The following PEX14 variants were observed in gnomAD, a reference collection of about 807,000 sequenced individuals.
The protein encoded by PEX14 is peroxisomal membrane protein PEX14.
A neutral mutation model predicts 49.5 loss-of-function variants in PEX14; 15 were observed. That is an observed-to-expected ratio of 0.30 (90% confidence interval 0.20 to 0.47). The LOEUF (loss-of-function observed/expected upper bound fraction) is 0.47. Among genes scored for constraint, PEX14 ranks in the 20% least tolerant of loss-of-function variants. PEX14 has a pLI of 1.00. For missense variants in PEX14, 398 were observed against 494.8 expected (o/e 0.80, Z 1.86); for synonymous variants, 210 against 212.7 (o/e 0.99, Z 0.11).
At position 10,538,668 on chromosome 1, in the gene PEX14, G is replaced by A. The variant is rs531432243; in HGVS notation, c.169+2371G>A. ...CGGGCTGTTCCAGGGTCAGGTTTCC[G>A]TGCTCAGCACGGCCTGGCACCGTCT... On this transcript the variant is annotated intron_variant, in intron 3 of 8. Coordinates refer to ENST00000356607, the MANE Select transcript of PEX14 (RefSeq NM_004565.3). Among the ~76,000 whole-genome samples the A allele has an allele frequency of 1.1e-3, 171 of 152,302 alleles. 2 individuals are homozygous for A. The highest frequency in any genetic ancestry group is 3.8e-3 in the African/African-American group (157 of 41,572).
chr1:10,604,301 G>A (rs147923615), intron 4 of PEX14, among the ~76,000 whole-genome samples: 3 of 152,176 alleles, frequency 2.0e-5, no homozygotes, highest in Admixed American at 1.3e-4. Context: ...TAACACAAAA[G>A]CATATAGATG....
At chr1:10,565,840 C>T (rs1553190992) in intron 3 of PEX14, among the ~76,000 whole-genome samples, 4 of 151,678 alleles carry the variant, frequency 2.6e-5, no homozygotes, top group Non-Finnish European at 5.9e-5. Context: ...CTCATTGCTA[C>T]AAAAAAACAC....
chr1:10,597,142 A>G lies in PEX14; in HGVS notation c.170-2096A>G, dbSNP rs532498568. ...ACATTATTGTACTTGTTTATATTTG[A>G]AAGAGCCAAAAGGGAAAATGAGAAT... On this transcript the variant is annotated intron_variant, in intron 3 of 8. Coordinates refer to ENST00000356607, the MANE Select transcript of PEX14 (RefSeq NM_004565.3). The surrounding 1 kb of genome is among the most constrained non-coding windows in gnomAD (Gnocchi z 5.7). 3.9e-5 allele frequency among the ~76,000 whole-genome samples: 6 copies of G among 152,378 alleles called. No individual in the cohort carries two copies. The East Asian group carries it at 1.2e-3, about 29-fold the overall frequency.
intron 4 of PEX14, among the ~76,000 whole-genome samples, chr1:10,615,272 G>A (rs1641380399): frequency 1.3e-5 from 2 of 152,212 alleles, no homozygotes; most frequent in Admixed American, 1.3e-4. Context: ...GAAGATGTTT[G>A]CGATGCAGAT....
chr1:10,543,914 A>G (rs184270043), intron 3 of PEX14, among the ~76,000 whole-genome samples: 11 of 152,298 alleles, frequency 7.2e-5, no homozygotes, highest in Admixed American at 7.2e-4. Flanking sequence ...GAGCACAGAG[A>G]AACTCTGTTT....
At chr1:10,505,473 CT>C (rs1413490498) in intron 2 of PEX14, among the ~76,000 whole-genome samples, 1 of 152,098 alleles carries the variant, frequency 6.6e-6, no homozygotes, top group Non-Finnish European at 1.5e-5. Context: ...TTTTCCCCCC[CT>C]TTACCATACT....
intron 1 of PEX14, among the ~76,000 whole-genome samples, chr1:10,481,857 T>C (rs905206133): frequency 6.7e-6 from 1 of 148,876 alleles, no homozygotes; most frequent in Non-Finnish European, 1.5e-5. Context: ...AATGCCTGGC[T>C]CTGTTGCCCA....
intron 1 of PEX14, among the ~76,000 whole-genome samples, chr1:10,486,861 G>T (rs948391092): frequency 4.6e-5 from 7 of 151,812 alleles, no homozygotes; most frequent in Non-Finnish European, 1.0e-4. Context: ...TAATTTTTTT[G>T]TGTTTTTAGT....
chr1:10,624,357 A>G lies in PEX14; in HGVS notation c.505A>G (p.Thr169Ala). The G allele has an allele frequency of 6.2e-7, 1 of 1,612,734 alleles. No individual in the cohort carries two copies. The highest frequency in any genetic ancestry group is 8.5e-7 in the Non-Finnish European group (1 of 1,179,272). The change falls in exon 7 of 9, where the codon ACC (threonine) becomes GCC (alanine). Residue 169 changes from threonine to alanine, a missense_variant. Coordinates refer to ENST00000356607, the MANE Select transcript of PEX14 (RefSeq NM_004565.3). Reference protein sequence around the residue: ...VAQTVTQLQTTLASVQELLIQ... With the variant: ...VAQTVTQLQTALASVQELLIQ... ...CCTCGCAGTGACTCAGTTACAGACG[A>G]CCCTCGCCTCCGTCCAGGAGCTGCT...
At chr1:10,528,357 G>T in intron 2 of PEX14, 1 of 905,568 alleles carries the variant, frequency 1.1e-6, no homozygotes, top group Non-Finnish European at 1.3e-6. Flanking sequence ...GAAGCTGCTG[G>T]AGGTTAGGAG....
chr1:10,478,115 T>G (rs1025980612), intron 1 of PEX14, among the ~76,000 whole-genome samples: 1 of 152,108 alleles, frequency 6.6e-6, no homozygotes, highest in Non-Finnish European at 1.5e-5. Flanking sequence ...CTCAAACTCC[T>G]GACCTCAGGT....
intron 3 of PEX14, among the ~76,000 whole-genome samples, chr1:10,595,229 C>G (rs2124595719): frequency 6.6e-6 from 1 of 152,288 alleles, no homozygotes; most frequent in Middle Eastern, 3.4e-3. Flanking sequence ...ATTGAGAGCT[C>G]TCAGTTTTGC....
intron 2 of PEX14, among the ~76,000 whole-genome samples, chr1:10,511,528 A>G (rs1425341238): frequency 6.6e-6 from 1 of 152,174 alleles, no homozygotes; most frequent in Non-Finnish European, 1.5e-5. Flanking sequence ...TTTTCCTAGG[A>G]AAGTCTGCCA....
intron 4 of PEX14, among the ~76,000 whole-genome samples, chr1:10,608,899 G>T (rs1641199999): frequency 6.6e-6 from 1 of 151,980 alleles, no homozygotes; most frequent in South Asian, 2.1e-4. Flanking sequence ...AGATCCTTTG[G>T]GCCCATTTAC....
At chr1:10,511,793 C>G (rs965403643) in intron 2 of PEX14, among the ~76,000 whole-genome samples, 1 of 152,138 alleles carries the variant, frequency 6.6e-6, no homozygotes, top group African/African-American at 2.4e-5. Context: ...TCTGTGGTCT[C>G]TGGGACCTGT....
chr1:10,478,132 C>G (rs1641227677), intron 1 of PEX14, among the ~76,000 whole-genome samples: 1 of 152,130 alleles, frequency 6.6e-6, no homozygotes, highest in African/African-American at 2.4e-5. Flanking sequence ...AGGTAACCTG[C>G]CCACCTCGGC....
intron 3 of PEX14, among the ~76,000 whole-genome samples, chr1:10,571,693 C>T (rs1414118109): frequency 6.6e-6 from 1 of 151,930 alleles, no homozygotes; most frequent in Non-Finnish European, 1.5e-5. Flanking sequence ...CCTGTATTCC[C>T]AGCTACTCGA....
At position 10,629,293 on chromosome 1, in the gene PEX14, G is replaced by A. The variant is rs1399540692; in HGVS notation, c.678-238G>A. Among the ~76,000 whole-genome samples the A allele has an allele frequency of 6.6e-6, 1 of 152,216 alleles. No homozygotes were observed. The highest frequency in any genetic ancestry group is 1.5e-5 in the Non-Finnish European group (1 of 68,024). ...GCAGATGGGCCTTGCCCAGGGTGGG[G>A]GCCCGGGGGGACCCTGGGCTGTCTG... On this transcript the variant is annotated intron_variant, in intron 8 of 8. Coordinates refer to ENST00000356607, the MANE Select transcript of PEX14 (RefSeq NM_004565.3). This position sits in a 1 kb window ranked among gnomAD's most constrained non-coding sequence, Gnocchi z 8.5.
At chr1:10,528,344 T>A in intron 2 of PEX14, 1 of 963,908 alleles carries the variant, frequency 1.0e-6, no homozygotes, top group Non-Finnish European at 1.2e-6. Context: ...CTGCTGAGCA[T>A]CTGAAGCTGC....
Sources: allele counts gnomAD v4.1 joint callset (sites outside exome capture counted in the v4.1 genomes callset), GRCh38; gene constraint gnomAD v4.1.1; non-coding constraint Gnocchi (gnomAD v3.1); transcripts MANE v1.5; gene names NCBI Gene and HGNC (gene_info 2026-07-23, HGNC 2026-07-21).